CACNG5: variants seen among roughly 807,000 people sequenced by gnomAD.
The protein encoded by CACNG5 is calcium voltage-gated channel auxiliary subunit gamma 5.
CACNG5 carries 18 observed loss-of-function variants against 24.8 expected under a neutral mutation model. That is an observed-to-expected ratio of 0.73 (90% CI 0.50 to 1.08). The LOEUF is 1.08. Among genes scored for constraint, CACNG5 ranks in the 50% least tolerant of loss-of-function variants. The pLI, the probability that CACNG5 is intolerant of heterozygous loss-of-function variation, is 0.00. For missense variants in CACNG5, 349 were observed against 367.9 expected, an observed-to-expected ratio of 0.95 and a Z score of 0.42; for synonymous variants, 157 against 149.1, an observed-to-expected ratio of 1.05 and a Z score of -0.39.
intron 1 of CACNG5, among the ~76,000 whole-genome samples, chr17:66,869,310 C>T (rs1326933250): frequency 1.3e-5 from 2 of 152,112 alleles, no homozygotes; most frequent in Admixed American, 1.3e-4. Flanking sequence ...TCTCAAACTC[C>T]TGACCTCAAG....
At chr17:66,852,999 CTCTCT>C (rs534624133) in intron 1 of CACNG5, among the ~76,000 whole-genome samples, 61 of 151,408 alleles carry the variant, frequency 4.0e-4, no homozygotes, top group South Asian at 1.1e-3. Context: ...TCTTCTCTTT[CTCTCT>C]TCTCTTCTCT....
chr17:66,853,751 TA>T (rs1415162514), intron 1 of CACNG5, among the ~76,000 whole-genome samples: 1 of 152,150 alleles, frequency 6.6e-6, no homozygotes, highest in African/African-American at 2.4e-5. Flanking sequence ...AATATAATTA[TA>T]AAACAAACAA....
intron 1 of CACNG5, among the ~76,000 whole-genome samples, chr17:66,837,953 G>C (rs1976504512): frequency 6.6e-6 from 1 of 151,916 alleles, no homozygotes; most frequent in African/African-American, 2.4e-5. Context: ...TACAGGGTGG[G>C]TGCCAGGCCT....
In CACNG5 at chr17:66,880,805, G is replaced by C. The variant is rs889989193; in HGVS notation, c.424+108G>C. ...CACCCACGCTGGAGTGCAGTGGCAC[G>C]ATCTTGGCTCACTGCAACCTCCACC... On this transcript the variant is annotated intron_variant, in intron 4 of 5. Coordinates refer to ENST00000533854, the MANE Select transcript of CACNG5 (RefSeq NM_145811.3). The C allele has an allele frequency of 7.2e-5, 89 of 1,240,642 alleles. 2 individuals carry two copies. The highest frequency in any genetic ancestry group is 7.0e-4 in the South Asian group (49 of 69,632). The allele number at this position is 1,240,642 out of a possible 1,614,324, so 76.9% of individuals were successfully genotyped here.
At chr17:66,864,875 A>G (rs1976909504) in intron 1 of CACNG5, among the ~76,000 whole-genome samples, 5 of 152,338 alleles carry the variant, frequency 3.3e-5, no homozygotes, top group East Asian at 1.9e-4. Context: ...TTTTTACAAC[A>G]TTGTATTCCT....
rs1977242493 is a variant in CACNG5 at position 66,885,310 on chromosome 17, T to G, written c.*70T>G. 1 of 1,503,134 alleles carries G rather than the reference T, an allele frequency of 6.7e-7. No individual in the cohort carries two copies. The highest frequency in any genetic ancestry group is 2.2e-5 in the Admixed American group (1 of 46,462). 93.1% of individuals were successfully genotyped at this position (1,503,134 alleles called of 1,614,324 possible). A position where few individuals can be genotyped will look rare whatever the true frequency, so the allele number is the denominator to read the frequency against. On this transcript the variant is annotated 3_prime_UTR_variant, in exon 6 of 6. Transcript: ENST00000533854. ...CTTCCTGTTCTCTCCAGGTGACCCCTGAGCCCCAGGCCTGTGGTTGACAGG... is the reference window on the plus strand; with the variant it reads ...CTTCCTGTTCTCTCCAGGTGACCCCGGAGCCCCAGGCCTGTGGTTGACAGG...
Position 66,891,566 on chromosome 17 carries a change from C to G in CACNG5, c.*6326C>G, listed in dbSNP as rs539386550. ...AGGCCTGGTCTTCCTCATAGGGTGACAGCTTGGTTTTAAGAGTGAGGGTCC... is the reference window on the plus strand; with the variant it reads ...AGGCCTGGTCTTCCTCATAGGGTGAGAGCTTGGTTTTAAGAGTGAGGGTCC... On this transcript the variant is annotated 3_prime_UTR_variant, in exon 6 of 6. Transcript: ENST00000533854. Among the ~76,000 whole-genome samples the G allele has an allele frequency of 6.6e-6, 1 of 152,290 alleles. No individual in the cohort carries two copies. Among genetic ancestry groups the G allele is most frequent in the Admixed American group, 6.5e-5 (1 of 15,310 alleles).
In CACNG5 at chr17:66,894,083, C is replaced by T. The variant is rs1015013410; in HGVS notation, c.*8843C>T. ...CTTGACACCTGTTGTCCTGTGTCCT[C>T]GTAAACACCATCCCGCCACCCCTCT... On this transcript the variant is annotated 3_prime_UTR_variant, in exon 6 of 6. Transcript: ENST00000533854. 1.3e-5 allele frequency among the ~76,000 whole-genome samples: 2 copies of T among 152,116 alleles called. No individual in the cohort carries two copies. The highest frequency in any genetic ancestry group is 2.9e-5 in the Non-Finnish European group (2 of 68,024).
At chr17:66,843,084 G>A (rs1241649333) in intron 1 of CACNG5, among the ~76,000 whole-genome samples, 2 of 152,210 alleles carry the variant, frequency 1.3e-5, no homozygotes, top group Non-Finnish European at 2.9e-5. Flanking sequence ...TACTTGACAT[G>A]TATTGCACTA....
chr17:66,857,664 C>T (rs1000947730), intron 1 of CACNG5, among the ~76,000 whole-genome samples: 1 of 152,296 alleles, frequency 6.6e-6, no homozygotes, highest in African/African-American at 2.4e-5. Flanking sequence ...CCACCTGTGG[C>T]TGGCTAGTGG....
chr17:66,880,595 CTCT>C lies in CACNG5; in HGVS notation c.328_330del (p.Phe110del). On this transcript the variant is annotated inframe_deletion, in exon 4 of 6. Coordinates refer to ENST00000533854, the MANE Select transcript of CACNG5 (RefSeq NM_145811.3). ...AGCCACACCATTCCCTCTGGTCAGC[CTCT>C]TCTTCATGTTCATTGGGTTTATCCT... The C allele has an allele frequency of 6.2e-7, 1 of 1,614,228 alleles. No individual in the cohort carries two copies.
At position 66,894,132 on chromosome 17, in the gene CACNG5, C is replaced by T. The variant is rs1977381556; in HGVS notation, c.*8892C>T. 6.6e-6 allele frequency among the ~76,000 whole-genome samples: 1 copy of T among 152,176 alleles called. No individual in the cohort carries two copies. Among genetic ancestry groups the T allele is most frequent in the Non-Finnish European group, 1.5e-5 (1 of 68,034 alleles). The stretch of plus-strand genomic sequence containing the variant: ...CTCAGGCCCTGCCAAGGACTCTGCT[C>T]ACTGCTGCTCTAGGAACCCATCAAT... On this transcript the variant is annotated 3_prime_UTR_variant, in exon 6 of 6. Transcript: ENST00000533854.
chr17:66,838,040 C>G (rs562217914), intron 1 of CACNG5, among the ~76,000 whole-genome samples: 4 of 151,950 alleles, frequency 2.6e-5, no homozygotes, highest in Non-Finnish European at 5.9e-5. Flanking sequence ...TCTTTTCATG[C>G]TGCTCTACCC....
At chr17:66,838,427 G>A (rs948556754) in intron 1 of CACNG5, among the ~76,000 whole-genome samples, 1 of 151,210 alleles carries the variant, frequency 6.6e-6, no homozygotes, top group African/African-American at 2.4e-5. Context: ...GGGACAGAGG[G>A]GTGAGAATTG....
chr17:66,875,877 C>A (rs963939084), intron 1 of CACNG5, among the ~76,000 whole-genome samples: 5 of 152,212 alleles, frequency 3.3e-5, no homozygotes, highest in African/African-American at 1.2e-4. Context: ...TTGCCCCAGG[C>A]CTCATTCTCT....
chr17:66,887,763 C>T lies in CACNG5; in HGVS notation c.*2523C>T, dbSNP rs2143140251. Among the ~76,000 whole-genome samples, 1 of 152,250 alleles carries T rather than the reference C, an allele frequency of 6.6e-6. No homozygotes were observed. The highest frequency in any genetic ancestry group is 2.4e-5 in the African/African-American group (1 of 41,546). On this transcript the variant is annotated 3_prime_UTR_variant, in exon 6 of 6. Coordinates refer to ENST00000533854, the MANE Select transcript of CACNG5 (RefSeq NM_145811.3). ...GGTCTTCACTGGCCCTGATGCTGAGCTGCTAAATGAAGGAGCCCTTAGCCT... is the reference window on the plus strand; with the variant it reads ...GGTCTTCACTGGCCCTGATGCTGAGTTGCTAAATGAAGGAGCCCTTAGCCT...
intron 1 of CACNG5, among the ~76,000 whole-genome samples, chr17:66,874,183 G>A (rs1598059068): frequency 6.6e-6 from 1 of 152,162 alleles, no homozygotes; most frequent in South Asian, 2.1e-4. Context: ...TAAAATGGGT[G>A]TGGTAATAGA....
At chr17:66,845,797 C>T (rs561697465) in intron 1 of CACNG5, among the ~76,000 whole-genome samples, 1 of 152,232 alleles carries the variant, frequency 6.6e-6, no homozygotes, top group East Asian at 1.9e-4. Context: ...AGATTATGTC[C>T]CCCAGTGCTA....
At chr17:66,856,331 A>T (rs1338557978) in intron 1 of CACNG5, among the ~76,000 whole-genome samples, 1 of 152,156 alleles carries the variant, frequency 6.6e-6, no homozygotes, top group Non-Finnish European at 1.5e-5. Context: ...TAAATAATTA[A>T]ACTTTTGATT....
Sources: allele counts gnomAD v4.1 joint callset (sites outside exome capture counted in the v4.1 genomes callset), GRCh38; gene constraint gnomAD v4.1.1; transcripts MANE v1.5; gene names NCBI Gene and HGNC (gene_info 2026-07-23, HGNC 2026-07-21).